Variants in PDE6B observed in about 807,000 individuals in gnomAD.
PDE6B encodes rod cGMP-specific 3',5'-cyclic phosphodiesterase subunit beta.
In PDE6B, 106 loss-of-function variants were observed where a neutral mutation model predicts 109.0. That is an observed-to-expected ratio of 0.97 (90% CI 0.83 to 1.14). PDE6B has a LOEUF of 1.14. Ranked by LOEUF, PDE6B falls within the 50% of genes most tolerant of loss-of-function variation. The pLI is 0.00. For synonymous variants in PDE6B, 490 were observed against 471.3 expected (o/e 1.04, Z -0.51); for missense variants, 1,193 against 1,155.6 (o/e 1.03, Z -0.47).
intron 3 of PDE6B, among the ~76,000 whole-genome samples, chr4:646,405 G>C (rs1055779267): frequency 6.6e-6 from 1 of 151,818 alleles, no homozygotes; most frequent in Non-Finnish European, 1.5e-5. Flanking sequence ...TTTTCAGCTT[G>C]GTTGTCTGCA....
chr4:664,603 G>T (rs1463888587), intron 17 of PDE6B, among the ~76,000 whole-genome samples: 1 of 152,144 alleles, frequency 6.6e-6, no homozygotes, highest in African/African-American at 2.4e-5. Context: ...ATCACCTGAG[G>T]TCAGGAGTTC....
chr4:661,158 G>A (rs1214051876), intron 12 of PDE6B: 5 of 153,832 alleles, frequency 3.3e-5, no homozygotes, highest in Admixed American at 1.9e-4. Flanking sequence ...TAATAGATGG[G>A]TCAATGAATG....
chr4:640,366 T>C (rs1438794353), intron 3 of PDE6B, among the ~76,000 whole-genome samples: 1 of 151,900 alleles, frequency 6.6e-6, no homozygotes, highest in African/African-American at 2.4e-5. Flanking sequence ...TGAAACCCCA[T>C]CTCTACTAAA....
intron 1 of PDE6B, among the ~76,000 whole-genome samples, chr4:629,865 C>T (rs1188460387): frequency 2.6e-5 from 4 of 152,266 alleles, no homozygotes; most frequent in East Asian, 3.9e-4. Flanking sequence ...CCCAGCTGCT[C>T]GGCTATGTGA....
chr4:643,863 T>C (rs545963046), intron 3 of PDE6B, among the ~76,000 whole-genome samples: 2 of 151,330 alleles, frequency 1.3e-5, no homozygotes, highest in South Asian at 4.2e-4. Context: ...CTGCTTTCCC[T>C]GCACCTGACA....
rs1166606472 is a variant in PDE6B at position 665,005 on chromosome 4, G to T, written c.2193+61G>T. On this transcript the variant is annotated intron_variant, in intron 18 of 21. Coordinates refer to ENST00000496514, the MANE Select transcript of PDE6B (RefSeq NM_000283.4). This position sits in a 1 kb window ranked among gnomAD's most constrained non-coding sequence, Gnocchi z 4.0. Reference sequence around the variant, plus strand: ...GCCTCTCAGCACATGGGACTGCCGGGCGGGCGGGAGCCTCGGATGGCAACG... The same window carrying T: ...GCCTCTCAGCACATGGGACTGCCGGTCGGGCGGGAGCCTCGGATGGCAACG... 7.4e-7 allele frequency: 1 copy of T among 1,342,768 alleles called. No homozygotes were observed. The highest frequency in any genetic ancestry group is 1.4e-5 in the African/African-American group (1 of 69,748). 83.2% of individuals were successfully genotyped at this position (1,342,768 alleles called of 1,614,324 possible).
chr4:635,039 G>A (rs1199113709), intron 2 of PDE6B, among the ~76,000 whole-genome samples: 3 of 122,388 alleles, frequency 2.5e-5, no homozygotes, highest in Non-Finnish European at 5.0e-5. Context: ...TCTGTGCTGC[G>A]CGTCCACCTC....
In PDE6B at chr4:662,203, G is replaced by A. The variant is rs1238932275; in HGVS notation, c.1684G>A (p.Gly562Ser). The A allele has an allele frequency of 7.0e-6, 11 of 1,579,078 alleles. No homozygotes were observed. The highest frequency in any genetic ancestry group is 2.7e-5 in the African/African-American group (2 of 74,180). The change falls in exon 13 of 22, where the codon GGC becomes AGC. Residue 562 changes from glycine to serine, a missense_variant. Coordinates refer to ENST00000496514, the MANE Select transcript of PDE6B (RefSeq NM_000283.4). The surrounding 1 kb of genome is among the most constrained non-coding windows in gnomAD (Gnocchi z 4.3). Reference sequence around the variant, plus strand: ...AATCACCTACCACAACTGGCGCCACGGCTTCAACGTGGCCCAGACGATGTT... The same window carrying A: ...AATCACCTACCACAACTGGCGCCACAGCTTCAACGTGGCCCAGACGATGTT... ...RRITYHNWRH[G>S]FNVAQTMFTL...
chr4:650,803 C>T (rs995142444), intron 3 of PDE6B, among the ~76,000 whole-genome samples: 33 of 152,092 alleles, frequency 2.2e-4, no homozygotes, highest in African/African-American at 8.0e-4. Context: ...GGGGTGTTGA[C>T]GGGGGCACAG....
intron 11 of PDE6B, among the ~76,000 whole-genome samples, chr4:659,485 G>C (rs963260855): frequency 6.6e-6 from 1 of 150,990 alleles, no homozygotes; most frequent in Non-Finnish European, 1.5e-5. Context: ...GGGTGTCTGT[G>C]TGTGCACAAG....
intron 21 of PDE6B, among the ~76,000 whole-genome samples, chr4:669,127 C>T (rs78210680): frequency 0.051 from 9 of 176 alleles, 4 homozygotes; most frequent in African/African-American, 0.4. Flanking sequence ...CACTACCCCA[C>T]GCTATTCCCC....
At chr4:653,695 G>A (rs756652978) in intron 3 of PDE6B, 157 bp from the exon 4 acceptor site, 20 of 847,274 alleles carry the variant, frequency 2.4e-5, no homozygotes, top group Non-Finnish European at 3.8e-5. Flanking sequence ...TGGCCACGGA[G>A]CCACCAATCA....
chr4:669,968 T>C, intron 21 of PDE6B, 78 bp from the exon 22 acceptor site: 3 of 1,212,724 alleles, frequency 2.5e-6, no homozygotes, highest in Non-Finnish European at 3.7e-6. Flanking sequence ...TTGGTAGAGG[T>C]CACACCAGGC....
chr4:655,516 A>G (rs1456715268), intron 6 of PDE6B: 2 of 350,302 alleles, frequency 5.7e-6, no homozygotes, highest in Non-Finnish European at 1.1e-5. Context: ...GGCTGAAGCC[A>G]TACGGCCTCC....
At position 626,281 on chromosome 4, in the gene PDE6B, C is replaced by A. The variant is rs1734099624; in HGVS notation, c.468+187C>A. On this transcript the variant is annotated intron_variant, in intron 1 of 21. Coordinates refer to ENST00000496514, the MANE Select transcript of PDE6B (RefSeq NM_000283.4). This position sits in a 1 kb window ranked among gnomAD's most constrained non-coding sequence, Gnocchi z 4.6. Reference sequence around the variant, plus strand: ...CACTGTGCCCTGGCCGCCTGCCTCTCCGACTCGGCTTCTGGCTCAAGCTGA... The same window carrying A: ...CACTGTGCCCTGGCCGCCTGCCTCTACGACTCGGCTTCTGGCTCAAGCTGA... Among the ~76,000 whole-genome samples, 1 of 152,248 alleles carries A rather than the reference C, an allele frequency of 6.6e-6. No individual in the cohort carries two copies. The highest frequency in any genetic ancestry group is 1.5e-5 in the Non-Finnish European group (1 of 68,042).
chr4:637,761 C>G (rs373387857), intron 3 of PDE6B, among the ~76,000 whole-genome samples: 18 of 152,342 alleles, frequency 1.2e-4, no homozygotes, highest in African/African-American at 4.3e-4. Flanking sequence ...CGCAGAGCTG[C>G]AAATGTTCCT....
chr4:643,084 C>A (rs911495033), intron 3 of PDE6B, among the ~76,000 whole-genome samples: 1 of 151,820 alleles, frequency 6.6e-6, no homozygotes, highest in Non-Finnish European at 1.5e-5. Flanking sequence ...TTGAGGCGGG[C>A]GGATCACGAG....
intron 9 of PDE6B, 48 bp downstream of exon 9, chr4:657,071 G>T (rs771399092): frequency 6.9e-6 from 11 of 1,586,808 alleles, no homozygotes; most frequent in Non-Finnish European, 9.5e-6. Context: ...CCTGCGAGGG[G>T]TGGGGCCTGT....
chr4:637,189 C>T (rs9996400), intron 3 of PDE6B, among the ~76,000 whole-genome samples: 3,610 of 151,688 alleles, frequency 0.024, 143 homozygotes, highest in African/African-American at 0.083. Context: ...GCCCTTTTTA[C>T]GTGACCCCAT....
Sources: allele counts gnomAD v4.1 joint callset (sites outside exome capture counted in the v4.1 genomes callset), GRCh38; gene constraint gnomAD v4.1.1; non-coding constraint Gnocchi (gnomAD v3.1); transcripts MANE v1.5; gene names NCBI Gene and HGNC (gene_info 2026-07-23, HGNC 2026-07-21).